The following PIK3R4 variants were observed in gnomAD, a reference collection of about 807,000 sequenced individuals.
The protein encoded by PIK3R4 is phosphoinositide 3-kinase regulatory subunit 4.
PIK3R4 carries 46 observed loss-of-function variants against 136.5 expected under a neutral mutation model. That is an observed-to-expected ratio of 0.34 (90% CI 0.27 to 0.43). The LOEUF (loss-of-function observed/expected upper bound fraction) is 0.43. PIK3R4 is among the 20% of genes least tolerant of loss of function. PIK3R4 has a pLI of 1.00. For missense variants in PIK3R4, 1,331 were observed against 1,649.5 expected, an observed-to-expected ratio of 0.81 and a Z score of 3.35; for synonymous variants, 557 against 566.7, an observed-to-expected ratio of 0.98 and a Z score of 0.24.
At position 130,733,710 on chromosome 3, in the gene PIK3R4, C is replaced by A. The variant is rs760087353; in HGVS notation, c.1288G>T (p.Val430Phe). ...PYLLHFSNDS[V>F]PRVRAEALRT... is the part of the protein sequence containing the mutation. ...AAGGCTTCAGCCCTCACCCTAGGAA[C>A]AGAGTCATTGCTGAAATGCAAAAGA... Residue 430 changes from valine to phenylalanine, a missense_variant, in exon 4 of 20, where the codon GTT becomes TTT. By Grantham distance (50) the Val-to-Phe change is conservative. Coordinates refer to ENST00000356763, the MANE Select transcript of PIK3R4 (RefSeq NM_014602.3). 1 of 1,614,154 alleles carries A rather than the reference C, an allele frequency of 6.2e-7. No individual in the cohort carries two copies. The highest frequency in any genetic ancestry group is 8.5e-7 in the Non-Finnish European group (1 of 1,179,992).
At chr3:130,706,253 T>C (rs2066605730) in intron 11 of PIK3R4, among the ~76,000 whole-genome samples, 2 of 152,222 alleles carry the variant, frequency 1.3e-5, no homozygotes, top group African/African-American at 4.8e-5. Context: ...ATGCATTTAA[T>C]ACACCCAACT....
At chr3:130,720,029 G>A (rs184415202) in intron 7 of PIK3R4, among the ~76,000 whole-genome samples, 1 of 152,078 alleles carries the variant, frequency 6.6e-6, no homozygotes, top group African/African-American at 2.4e-5. Flanking sequence ...CAACCCACAG[G>A]TGCATGACGA....
At chr3:130,692,219 T>C (rs1332580420) in intron 13 of PIK3R4, among the ~76,000 whole-genome samples, 7 of 152,120 alleles carry the variant, frequency 4.6e-5, no homozygotes, top group Non-Finnish European at 7.4e-5. Flanking sequence ...GATTTTCAAA[T>C]ACCATAGATT....
chr3:130,680,358 G>T (rs1012003156), intron 19 of PIK3R4, among the ~76,000 whole-genome samples: 57 of 152,192 alleles, frequency 3.7e-4, no homozygotes, highest in African/African-American at 1.1e-3. Context: ...TTTGTAAGAG[G>T]ATAATAAAAG....
intron 13 of PIK3R4, among the ~76,000 whole-genome samples, chr3:130,700,264 A>G (rs181265236): frequency 6.6e-6 from 1 of 152,198 alleles, no homozygotes; most frequent in East Asian, 1.9e-4. Flanking sequence ...AAAACATGTA[A>G]CCCTAACATT....
chr3:130,686,372 T>C lies in PIK3R4; in HGVS notation c.3314A>G (p.Asn1105Ser), dbSNP rs375568050. ...DGCVVDMHHFNSGAQSVLAYA... is the reference protein window; with the variant it reads ...DGCVVDMHHFSSGAQSVLAYA... ...GGCAAGAACAGACTGTGCTCCAGAG[T>C]TGAAGTGATGCATATCCACAACACA... The change falls in exon 15 of 20, where the codon AAC (asparagine) becomes AGC (serine). Residue 1105 changes from asparagine (N) to serine (S), a missense_variant. Transcript: ENST00000356763. 1.2e-6 allele frequency: 2 copies of C among 1,613,110 alleles called. No homozygotes were observed. Among genetic ancestry groups the C allele is most frequent in the African/African-American group, 1.3e-5 (1 of 74,850 alleles).
intron 13 of PIK3R4, among the ~76,000 whole-genome samples, chr3:130,698,590 A>C (rs925087729): frequency 6.6e-6 from 1 of 152,116 alleles, no homozygotes; most frequent in Non-Finnish European, 1.5e-5. Flanking sequence ...CACTGTTCTC[A>C]TACTTTCCTT....
At chr3:130,682,588 C>G (rs866475254) in intron 16 of PIK3R4, among the ~76,000 whole-genome samples, 1 of 152,056 alleles carries the variant, frequency 6.6e-6, no homozygotes. Flanking sequence ...CTGGTTGTAT[C>G]CCTCATCTCA....
intron 8 of PIK3R4, among the ~76,000 whole-genome samples, chr3:130,718,024 T>C (rs1367459191): frequency 6.6e-6 from 1 of 152,222 alleles, no homozygotes; most frequent in Non-Finnish European, 1.5e-5. Flanking sequence ...TTTTCTAATT[T>C]ATTATAACTG....
Position 130,733,555 on chromosome 3 carries a change from G to C in PIK3R4, c.1443C>G (p.Ala481=), listed in dbSNP as rs2066769893. ...TGGACAATAAACTCTTACCAGCATA[G>C]GCTAGTCTAACGATAGTAGCATCAT... ...AQDDATIVRL[A]YAENIALLAE... The change falls in exon 4 of 20, where the codon GCC becomes GCG. Residue 481 remains alanine (A), a synonymous_variant. Transcript: ENST00000356763. 1 of 1,604,376 alleles carries C rather than the reference G, an allele frequency of 6.2e-7. No individual in the cohort carries two copies. The highest frequency in any genetic ancestry group is 1.3e-5 in the African/African-American group (1 of 74,862).
intron 15 of PIK3R4, among the ~76,000 whole-genome samples, chr3:130,685,272 A>C (rs1211549999): frequency 2.6e-5 from 4 of 152,204 alleles, no homozygotes; most frequent in Non-Finnish European, 5.9e-5. Flanking sequence ...AGTAAATTTT[A>C]AATGTTTTCA....
At chr3:130,691,904 T>G (rs1306390072) in intron 13 of PIK3R4, among the ~76,000 whole-genome samples, 2 of 135,718 alleles carry the variant, frequency 1.5e-5, no homozygotes, top group Non-Finnish European at 3.1e-5. Flanking sequence ...AGACAGAGTC[T>G]CACTCTGTCA....
At chr3:130,714,423 G>A (rs2066651093) in intron 9 of PIK3R4, among the ~76,000 whole-genome samples, 1 of 152,166 alleles carries the variant, frequency 6.6e-6, no homozygotes, top group African/African-American at 2.4e-5. Context: ...TTCCCAAGGT[G>A]GGATTACAGG....
chr3:130,708,224 G>T, intron 10 of PIK3R4, 67 bp downstream of exon 10: 2 of 1,230,024 alleles, frequency 1.6e-6, no homozygotes, highest in Non-Finnish European at 1.2e-6. Context: ...TTATTAATTA[G>T]CTAAAAAACA....
intron 6 of PIK3R4, among the ~76,000 whole-genome samples, chr3:130,727,863 A>G (rs2066741850): frequency 6.6e-6 from 1 of 152,198 alleles, no homozygotes; most frequent in Non-Finnish European, 1.5e-5. Context: ...CAAATGTAAT[A>G]TAAGTCATGC....
At chr3:130,721,354 A>T (rs1041209032) in intron 7 of PIK3R4, among the ~76,000 whole-genome samples, 60 of 151,722 alleles carry the variant, frequency 4.0e-4, no homozygotes, top group Admixed American at 1.8e-3. Context: ...AAAAAAAAAA[A>T]TTAAAAATGG....
intron 9 of PIK3R4, among the ~76,000 whole-genome samples, chr3:130,709,435 C>A (rs1208799428): frequency 6.6e-6 from 1 of 152,016 alleles, no homozygotes. Context: ...ATTCACAATT[C>A]TCAGGCAGAC....
intron 13 of PIK3R4, among the ~76,000 whole-genome samples, chr3:130,696,362 T>C (rs1398983949): frequency 6.6e-6 from 1 of 152,098 alleles, no homozygotes; most frequent in Non-Finnish European, 1.5e-5. Flanking sequence ...AATTACTAAT[T>C]TGGGATCTTT....
intron 16 of PIK3R4, 66 bp downstream of exon 16, chr3:130,684,184 G>T: frequency 2.1e-6 from 3 of 1,422,232 alleles, no homozygotes; most frequent in Non-Finnish European, 2.9e-6. Flanking sequence ...ATGAGTTTTG[G>T]CAACAGGTTA....
Sources: allele counts gnomAD v4.1 joint callset (sites outside exome capture counted in the v4.1 genomes callset), GRCh38; gene constraint gnomAD v4.1.1; transcripts MANE v1.5; gene names NCBI Gene and HGNC (gene_info 2026-07-23, HGNC 2026-07-21).